Variants in PCDHA2 observed in about 807,000 individuals in gnomAD.
The protein encoded by PCDHA2 is protocadherin alpha 2.
Under a neutral mutation model 66.0 loss-of-function variants are expected in PCDHA2, and 58 were observed. The observed-to-expected ratio is 0.88, with a 90% confidence interval of 0.71 to 1.09. The LOEUF (loss-of-function observed/expected upper bound fraction) is 1.09, where lower values mean the gene tolerates loss of function less well. Ranked by LOEUF, PCDHA2 falls within the 50% of genes least tolerant of loss-of-function variation. The pLI, the probability that PCDHA2 is intolerant of heterozygous loss-of-function variation, is 0.00. For missense variants in PCDHA2, 1,267 were observed against 1,242.3 expected (o/e 1.02, Z -0.30); for synonymous variants, 634 against 554.0 (o/e 1.14, Z -2.03).
At chr5:140,836,002 C>T in intron 1 of PCDHA2, 4 of 1,613,242 alleles carry the variant, frequency 2.5e-6, no homozygotes, top group Non-Finnish European at 2.5e-6. Flanking sequence ...GCGCGCGATG[C>T]GGGCGTGCCG....
rs568082033 is a variant in PCDHA2, at chr5:140,926,946, AG to A, written c.2389-52002del. On this transcript the variant is annotated intron_variant, in intron 1 of 3. Transcript: ENST00000526136. ...GTTTGTGGGTTTCCTGCGGCGCTGC[AG>A]CGGGACAGCTCGAGTACTCAGTGCC... 60 of 1,590,228 alleles carry A rather than the reference AG, an allele frequency of 3.8e-5. No individual in the cohort carries two copies. The African/African-American group carries it at 7.7e-4, about 20-fold the overall frequency.
At chr5:140,939,335 T>A (rs1195092720) in intron 1 of PCDHA2, among the ~76,000 whole-genome samples, 2 of 152,080 alleles carry the variant, frequency 1.3e-5, no homozygotes, top group Non-Finnish European at 2.9e-5. Context: ...ATCTTAGGGG[T>A]TAGCATTTCA....
At chr5:140,830,140 G>T (rs1305649998) in intron 1 of PCDHA2, 2 of 1,613,352 alleles carry the variant, frequency 1.2e-6, no homozygotes. Flanking sequence ...CACGGGCGTC[G>T]GTGGGCGCCG....
chr5:140,918,579 G>A (rs1396239560), intron 1 of PCDHA2, among the ~76,000 whole-genome samples: 1 of 152,112 alleles, frequency 6.6e-6, no homozygotes, highest in Admixed American at 6.5e-5. Flanking sequence ...GCTGCTATTG[G>A]CTATATGTTC....
chr5:140,890,870 T>A (rs1217710440), intron 1 of PCDHA2, among the ~76,000 whole-genome samples: 1 of 152,226 alleles, frequency 6.6e-6, no homozygotes, highest in Non-Finnish European at 1.5e-5. Flanking sequence ...CTTGCCCCTC[T>A]GACCTTTCAT....
rs990142871 is a variant in PCDHA2, at chr5:140,854,493, T to G, written c.2388+57141T>G. 2.7e-5 allele frequency: 4 copies of G among 149,954 alleles called. No homozygotes were observed. The Admixed American group carries it at 2.7e-4, about 10-fold the overall frequency. The allele number at this position is 149,954 out of a possible 1,614,324, so 9.3% of individuals were successfully genotyped here. On this transcript the variant is annotated intron_variant, in intron 1 of 3. Transcript: ENST00000526136. ...AGAGAAGTATAGAAACAGAATTTAG[T>G]AGGACACATAAACTGATGGATTAAG...
chr5:140,942,846 A>C (rs1239885134), intron 1 of PCDHA2, among the ~76,000 whole-genome samples: 1 of 152,312 alleles, frequency 6.6e-6, no homozygotes, highest in East Asian at 1.9e-4. Flanking sequence ...AAATTCCAGT[A>C]AGATGATTAT....
chr5:140,848,541 C>T (rs2150412469), intron 1 of PCDHA2: 3 of 1,595,306 alleles, frequency 1.9e-6, no homozygotes, highest in African/African-American at 1.3e-5. Context: ...GCCTCTACTG[C>T]TCTCGCTTCT....
At position 140,851,623 on chromosome 5, in the gene PCDHA2, TA is replaced by T. The variant is rs1286415417; in HGVS notation, c.2388+54274del. 3.6e-5 allele frequency: 33 copies of T among 920,270 alleles called. 3 individuals carry two copies. Among genetic ancestry groups the T allele is most frequent in the Non-Finnish European group, 3.8e-5 (29 of 756,686 alleles). The allele number at this position is 920,270 out of a possible 1,614,324, so 57.0% of individuals were successfully genotyped here. On this transcript the variant is annotated intron_variant, in intron 1 of 3. Transcript: ENST00000526136. ...TACAGAAATTGGAGAAAATGCTTTT[TA>T]AACAAGTGTTTCCTTTCTTCAAGAA... is the stretch of plus-strand genomic sequence containing the variant.
intron 1 of PCDHA2, chr5:140,884,562 A>C (rs782650365): frequency 6.2e-7 from 1 of 1,614,166 alleles, no homozygotes; most frequent in Non-Finnish European, 8.5e-7. Flanking sequence ...GAGGGCCCGC[A>C]TAAGACGGAC....
chr5:140,850,266 G>A, intron 1 of PCDHA2: 2 of 1,594,736 alleles, frequency 1.3e-6, no homozygotes, highest in Non-Finnish European at 8.6e-7. Context: ...CGGCGTAGTG[G>A]TGGGGAAGGT....
At chr5:140,882,481 C>T in intron 1 of PCDHA2, 2 of 1,614,038 alleles carry the variant, frequency 1.2e-6, no homozygotes, top group Middle Eastern at 1.7e-4. Flanking sequence ...CCAAAAGACA[C>T]GGGGACCTTC....
Position 140,835,371 on chromosome 5 carries a change from C to G in PCDHA2, c.2388+38019C>G, listed in dbSNP as rs2150234593. On this transcript the variant is annotated intron_variant, in intron 1 of 3. Transcript: ENST00000526136. ...GGCTGTCGATAAAGGCTTCCCACCCCTGGCTGGTCATTGTACAGTTCTTGT... is the reference window on the plus strand; with the variant it reads ...GGCTGTCGATAAAGGCTTCCCACCCGTGGCTGGTCATTGTACAGTTCTTGT... The G allele has an allele frequency of 8.7e-6, 14 of 1,613,974 alleles. No homozygotes were observed. The highest frequency in any genetic ancestry group is 1.1e-5 in the Non-Finnish European group (13 of 1,179,870).
chr5:140,801,773 T>G (rs918416197), intron 1 of PCDHA2: 16 of 1,614,054 alleles, frequency 9.9e-6, no homozygotes, highest in Non-Finnish European at 1.4e-5. Context: ...TTAAATCCCT[T>G]GGACTCGTGT....
intron 1 of PCDHA2, chr5:140,841,440 A>C: frequency 6.2e-7 from 1 of 1,612,980 alleles, no homozygotes; most frequent in South Asian, 1.1e-5. Flanking sequence ...GAGGAGGCCA[A>C]ACACGGCACC....
intron 1 of PCDHA2, chr5:140,877,051 G>C (rs1554169275): frequency 1.2e-6 from 2 of 1,612,752 alleles, no homozygotes; most frequent in Non-Finnish European, 1.7e-6. Context: ...AGACCACGAG[G>C]AGCTGGAGCT....
At chr5:140,856,571 G>T in intron 1 of PCDHA2, 1 of 1,597,838 alleles carries the variant, frequency 6.3e-7, no homozygotes, top group African/African-American at 1.3e-5. Context: ...CAGTCCAAAT[G>T]AGTATTTTGT....
intron 1 of PCDHA2, chr5:140,811,157 C>A (rs1251504502): frequency 2.0e-5 from 3 of 152,232 alleles, no homozygotes; most frequent in African/African-American, 7.2e-5. Context: ...ATCCCTCCCC[C>A]AGTCCCCCAC....
intron 1 of PCDHA2, among the ~76,000 whole-genome samples, chr5:140,837,876 G>A (rs1434787850): frequency 2.6e-5 from 4 of 151,526 alleles, no homozygotes; most frequent in African/African-American, 9.7e-5. Flanking sequence ...ACAGGGTGGA[G>A]TCTTGTTTCC....
Sources: allele counts gnomAD v4.1 joint callset (sites outside exome capture counted in the v4.1 genomes callset), GRCh38; gene constraint gnomAD v4.1.1; transcripts MANE v1.5; gene names NCBI Gene and HGNC (gene_info 2026-07-23, HGNC 2026-07-21).